Variants in SNX18 observed in about 807,000 individuals in gnomAD.
The protein encoded by SNX18 is sorting nexin 18.
A neutral mutation model predicts 48.7 loss-of-function variants in SNX18; 35 were observed. The ratio of observed to expected loss-of-function variants is 0.72; its 90% confidence interval spans 0.55 to 0.95. The LOEUF (loss-of-function observed/expected upper bound fraction) is 0.95. SNX18 is among the 40% of genes least tolerant of loss of function. The pLI is 0.00. For synonymous variants in SNX18, 492 were observed against 384.7 expected (o/e 1.28, Z -3.26); for missense variants, 824 against 871.0 (o/e 0.95, Z 0.68).
At chr5:54,618,275 G>A in the SNX18 span, among the ~76,000 whole-genome samples, 360 of 152,332 alleles carry the variant, frequency 2.4e-3, 2 homozygotes, top group South Asian at 6.2e-3. Context: ...CAGGCCATGC[G>A]AAACTGTGAG....
Position 54,518,193 on chromosome 5 carries a change from G to A in SNX18, c.241G>A (p.Val81Met), listed in dbSNP as rs1383104896. 2.2e-6 allele frequency: 3 copies of A among 1,389,992 alleles called. No individual in the cohort carries two copies. Among genetic ancestry groups the A allele is most frequent in the Non-Finnish European group, 2.8e-6 (3 of 1,081,204 alleles). 86.1% of individuals were successfully genotyped at this position (1,389,992 alleles called of 1,614,324 possible). A position where few individuals can be genotyped will look rare whatever the true frequency, so the allele number is the denominator to read the frequency against. Residue 81 changes from valine to methionine, a missense_variant, in exon 1 of 2, where the codon GTG becomes ATG. Transcript: ENST00000381410. ...GPGAPARYAN[V>M]PPGGFEPLPV... ...GGGCGCCCCGGCCCGCTACGCCAAT[G>A]TGCCCCCCGGGGGCTTCGAGCCCCT...
the SNX18 span, among the ~76,000 whole-genome samples, chr5:54,556,769 G>T: frequency 6.6e-6 from 1 of 152,132 alleles, no homozygotes. Context: ...GGATTGGGGG[G>T]TATGCACAAA....
chr5:54,578,266 C>T, the SNX18 span, among the ~76,000 whole-genome samples: 1 of 152,250 alleles, frequency 6.6e-6, no homozygotes, highest in African/African-American at 2.4e-5. Context: ...GGAATTACCT[C>T]TGGCGAACAG....
the SNX18 span, among the ~76,000 whole-genome samples, chr5:54,632,650 GAGGTCTGCTCC>G: frequency 6.6e-6 from 1 of 152,162 alleles, no homozygotes; most frequent in African/African-American, 2.4e-5. Context: ...AACTACCAGC[GAGGTCTGCTCC>G]AGGCCAGGGA....
At chr5:54,523,298 T>C (rs1367159793) in intron 1 of SNX18, among the ~76,000 whole-genome samples, 1 of 152,238 alleles carries the variant, frequency 6.6e-6, no homozygotes, top group Non-Finnish European at 1.5e-5. Flanking sequence ...TTTCTTGGCA[T>C]ATTCAGTTTT....
the SNX18 span, among the ~76,000 whole-genome samples, chr5:54,620,726 A>T: frequency 6.6e-6 from 1 of 152,240 alleles, no homozygotes; most frequent in African/African-American, 2.4e-5. Flanking sequence ...GTGGCTTAAC[A>T]GAAATGTATT....
chr5:54,525,219 A>G (rs1030549839), intron 1 of SNX18, among the ~76,000 whole-genome samples: 1 of 152,214 alleles, frequency 6.6e-6, no homozygotes, highest in African/African-American at 2.4e-5. Flanking sequence ...CTAAATGTTT[A>G]TTTTTGAAAA....
chr5:54,639,524 T>C, the SNX18 span, among the ~76,000 whole-genome samples: 10 of 152,352 alleles, frequency 6.6e-5, no homozygotes, highest in East Asian at 1.9e-3. Context: ...ATATGCCAAG[T>C]ATAGTCTAAA....
the SNX18 span, among the ~76,000 whole-genome samples, chr5:54,609,993 C>G: frequency 6.6e-6 from 1 of 152,022 alleles, no homozygotes; most frequent in Non-Finnish European, 1.5e-5. Context: ...CTCTCTCTGT[C>G]TTCCTTACTC....
At chr5:54,596,408 T>TA in the SNX18 span, among the ~76,000 whole-genome samples, 6 of 152,296 alleles carry the variant, frequency 3.9e-5, no homozygotes, top group Admixed American at 1.3e-4. Flanking sequence ...CTGAGGCTTT[T>TA]AAAAAGGCCT....
At chr5:54,619,331 C>A in the SNX18 span, among the ~76,000 whole-genome samples, 1 of 152,018 alleles carries the variant, frequency 6.6e-6, no homozygotes, top group African/African-American at 2.4e-5. Flanking sequence ...GGCAACATAG[C>A]AAAACCCCAT....
At chr5:54,553,015 C>T in the SNX18 span, among the ~76,000 whole-genome samples, 14 of 144,634 alleles carry the variant, frequency 9.7e-5, no homozygotes, top group East Asian at 4.4e-4. Flanking sequence ...GCAAAGGCCC[C>T]GAGGCAGGAG....
At chr5:54,562,125 T>C in the SNX18 span, among the ~76,000 whole-genome samples, 1 of 152,164 alleles carries the variant, frequency 6.6e-6, no homozygotes, top group Non-Finnish European at 1.5e-5. Flanking sequence ...TGCACAGCCT[T>C]CGTTAGCTCT....
At chr5:54,620,106 T>G in the SNX18 span, among the ~76,000 whole-genome samples, 1 of 152,142 alleles carries the variant, frequency 6.6e-6, no homozygotes, top group African/African-American at 2.4e-5. Flanking sequence ...TCCTTCAGTT[T>G]TTCACCTCTG....
chr5:54,573,463 C>A, the SNX18 span, among the ~76,000 whole-genome samples: 1 of 152,108 alleles, frequency 6.6e-6, no homozygotes, highest in African/African-American at 2.4e-5. Flanking sequence ...GCCACTGCAC[C>A]CGGCCTCAAA....
the SNX18 span, among the ~76,000 whole-genome samples, chr5:54,583,764 T>C: frequency 3.9e-5 from 6 of 152,226 alleles, no homozygotes; most frequent in African/African-American, 1.2e-4. Flanking sequence ...ATTAGGAAAT[T>C]CATAATCCTG....
chr5:54,604,697 T>C, the SNX18 span, among the ~76,000 whole-genome samples: 1 of 152,216 alleles, frequency 6.6e-6, no homozygotes, highest in Non-Finnish European at 1.5e-5. Context: ...ATAGTAGTGA[T>C]GGTTGTGCAA....
At chr5:54,643,090 A>C in the SNX18 span, among the ~76,000 whole-genome samples, 2 of 152,044 alleles carry the variant, frequency 1.3e-5, no homozygotes, top group African/African-American at 4.8e-5. Context: ...CTAAACTATA[A>C]AGGGAGGGGG....
At chr5:54,588,878 T>G in the SNX18 span, among the ~76,000 whole-genome samples, 1 of 152,238 alleles carries the variant, frequency 6.6e-6, no homozygotes, top group Non-Finnish European at 1.5e-5. Context: ...AAGGTATCAC[T>G]GAATTTTCTT....
Sources: gnomAD v4.1 joint callset for allele counts (sites outside exome capture counted in the v4.1 genomes callset) on GRCh38, gnomAD v4.1.1 for gene constraint, MANE v1.5 for transcripts, NCBI Gene and HGNC (gene_info 2026-07-23, HGNC 2026-07-21) for gene names.